Variants in KLHL29 observed in about 807,000 individuals in gnomAD.
KLHL29 encodes kelch-like protein 29.
In KLHL29, 21 loss-of-function variants were observed where a neutral mutation model predicts 80.4. That is an observed-to-expected ratio of 0.26 (90% CI 0.19 to 0.38). KLHL29 has a LOEUF of 0.38. Ranked by LOEUF, KLHL29 falls within the 10% of genes least tolerant of loss-of-function variation. The pLI, the probability that KLHL29 is intolerant of heterozygous loss-of-function variation, is 1.00. For synonymous variants in KLHL29, 511 were observed against 526.8 expected (o/e 0.97, Z 0.41); for missense variants, 867 against 1,223.9 (o/e 0.71, Z 4.35).
At chr2:23,579,206 C>T (rs1396934807) in intron 3 of KLHL29, among the ~76,000 whole-genome samples, 1 of 152,328 alleles carries the variant, frequency 6.6e-6, no homozygotes, top group Non-Finnish European at 1.5e-5. Flanking sequence ...TACAGTTCTG[C>T]CCATTTACAC....
intron 1 of KLHL29, among the ~76,000 whole-genome samples, chr2:23,474,966 C>G (rs993914528): frequency 1.3e-5 from 2 of 151,222 alleles, no homozygotes; most frequent in African/African-American, 4.9e-5. Context: ...TCTGCCTCCC[C>G]GTAATAGATA....
At chr2:23,582,442 G>A (rs565335055) in intron 3 of KLHL29, among the ~76,000 whole-genome samples, 53 of 152,318 alleles carry the variant, frequency 3.5e-4, no homozygotes, top group Admixed American at 6.5e-4. Flanking sequence ...GGAGGATGGG[G>A]ATGGTGAGAA....
intron 5 of KLHL29, among the ~76,000 whole-genome samples, chr2:23,656,590 G>A (rs761780379): frequency 1.3e-5 from 2 of 152,208 alleles, no homozygotes; most frequent in East Asian, 1.9e-4. Context: ...CTGAGTGATC[G>A]CCTTCCCGTG....
chr2:23,584,331 T>C (rs1358999628), intron 3 of KLHL29, among the ~76,000 whole-genome samples: 1 of 152,210 alleles, frequency 6.6e-6, no homozygotes, highest in Non-Finnish European at 1.5e-5. Flanking sequence ...GCCCAGGGAC[T>C]GGGGGCAGAG....
chr2:23,501,796 G>A (rs1665452818), intron 2 of KLHL29, among the ~76,000 whole-genome samples: 1 of 152,086 alleles, frequency 6.6e-6, no homozygotes, highest in Non-Finnish European at 1.5e-5. Flanking sequence ...AATCAGTTTT[G>A]CACTGACAAA....
chr2:23,413,392 A>G (rs1272406505), intron 1 of KLHL29, among the ~76,000 whole-genome samples: 2 of 152,182 alleles, frequency 1.3e-5, no homozygotes, highest in Admixed American at 1.3e-4. Flanking sequence ...CTGCAGACCC[A>G]TGGACACGGG....
chr2:23,563,819 G>A (rs958972483), intron 3 of KLHL29, among the ~76,000 whole-genome samples: 2 of 152,146 alleles, frequency 1.3e-5, no homozygotes, highest in Non-Finnish European at 2.9e-5. Context: ...TTATTTTCCT[G>A]TTATGAAAAC....
At chr2:23,623,413 T>C (rs981940897) in intron 3 of KLHL29, among the ~76,000 whole-genome samples, 9 of 152,210 alleles carry the variant, frequency 5.9e-5, no homozygotes, top group African/African-American at 1.9e-4. Context: ...AGCTCTGTTT[T>C]CTCCCTCCTG....
At chr2:23,584,886 G>A (rs993310037) in intron 3 of KLHL29, among the ~76,000 whole-genome samples, 2 of 152,134 alleles carry the variant, frequency 1.3e-5, no homozygotes, top group Non-Finnish European at 2.9e-5. Flanking sequence ...ACAGGCGCCT[G>A]CCACCATGCC....
intron 1 of KLHL29, among the ~76,000 whole-genome samples, chr2:23,455,736 C>T (rs1457530871): frequency 3.3e-5 from 5 of 151,792 alleles, no homozygotes; most frequent in African/African-American, 4.8e-5. Context: ...CTCAGCCTCC[C>T]GAGTAGAGTC....
intron 3 of KLHL29, among the ~76,000 whole-genome samples, chr2:23,597,414 T>TA (rs1668455535): frequency 2.3e-5 from 1 of 42,806 alleles, no homozygotes; most frequent in Non-Finnish European, 4.7e-5. Context: ...TATATTTTTT[T>TA]TTTTTTTTTT....
At chr2:23,575,131 C>A (rs550312806) in intron 3 of KLHL29, among the ~76,000 whole-genome samples, 1 of 152,292 alleles carries the variant, frequency 6.6e-6, no homozygotes, top group East Asian at 1.9e-4. Flanking sequence ...CCTGGCCGGC[C>A]GCAAGTTTAC....
At chr2:23,699,882 T>C (rs1672258470) in intron 11 of KLHL29, among the ~76,000 whole-genome samples, 1 of 152,216 alleles carries the variant, frequency 6.6e-6, no homozygotes, top group African/African-American at 2.4e-5. Context: ...TTGACCTCTC[T>C]CTTCAGAGAT....
chr2:23,409,617 G>A (rs547501070), intron 1 of KLHL29, among the ~76,000 whole-genome samples: 133 of 152,322 alleles, frequency 8.7e-4, no homozygotes, highest in Middle Eastern at 3.4e-3. Context: ...AAGGCAGTGC[G>A]TCTTCCCTCA....
At position 23,691,892 on chromosome 2, in the gene KLHL29, A is replaced by G; in HGVS notation, c.1282+16A>G. ...TCCTTTCTCGGTGAGCCCGGGGGCC[A>G]CATATGTCGCTTGGGGGGAAGAGTG... On this transcript the variant is annotated intron_variant, in intron 7 of 13. Coordinates refer to ENST00000486442, the MANE Select transcript of KLHL29 (RefSeq NM_052920.2). 6.5e-7 allele frequency: 1 copy of G among 1,546,192 alleles called. No individual in the cohort carries two copies. The highest frequency in any genetic ancestry group is 8.7e-7 in the Non-Finnish European group (1 of 1,146,638).
At chr2:23,497,439 AC>A (rs1665302663) in intron 2 of KLHL29, among the ~76,000 whole-genome samples, 1 of 151,768 alleles carries the variant, frequency 6.6e-6, no homozygotes, top group Admixed American at 6.6e-5. Flanking sequence ...GGACCCTGTT[AC>A]CCCGTTTTAG....
chr2:23,677,221 G>A (rs1009424726), intron 5 of KLHL29, among the ~76,000 whole-genome samples: 1 of 152,238 alleles, frequency 6.6e-6, no homozygotes, highest in Non-Finnish European at 1.5e-5. Flanking sequence ...GTCAGGGGCT[G>A]TAGGCACGGA....
intron 2 of KLHL29, among the ~76,000 whole-genome samples, chr2:23,500,811 C>T (rs1665415724): frequency 6.6e-6 from 1 of 152,198 alleles, no homozygotes. Context: ...AAAGAGAAAT[C>T]AGGATTTCAA....
At chr2:23,631,655 T>C (rs568680737) in intron 3 of KLHL29, among the ~76,000 whole-genome samples, 1 of 152,334 alleles carries the variant, frequency 6.6e-6, no homozygotes, top group Admixed American at 6.5e-5. Flanking sequence ...TTAACTGCGA[T>C]TATCTTCTCA....
Sources: allele counts gnomAD v4.1 joint callset (sites outside exome capture counted in the v4.1 genomes callset), GRCh38; gene constraint gnomAD v4.1.1; transcripts MANE v1.5; gene names NCBI Gene and HGNC (gene_info 2026-07-23, HGNC 2026-07-21).